The following ZMAT4 variants were observed in gnomAD, a reference collection of about 807,000 sequenced individuals.
ZMAT4 encodes zinc finger matrin-type protein 4.
A neutral mutation model predicts 28.7 loss-of-function variants in ZMAT4; 17 were observed. That is an observed-to-expected ratio of 0.59 (90% CI 0.41 to 0.89). The LOEUF (loss-of-function observed/expected upper bound fraction) is 0.89. Ranked by LOEUF, ZMAT4 falls within the 40% of genes least tolerant of loss-of-function variation. The pLI is 0.00. For missense variants in ZMAT4, 240 were observed against 283.8 expected, an observed-to-expected ratio of 0.85 and a Z score of 1.11; for synonymous variants, 117 against 109.2, an observed-to-expected ratio of 1.07 and a Z score of -0.44.
chr8:40,575,311 C>T (rs1804226338), intron 6 of ZMAT4, among the ~76,000 whole-genome samples: 1 of 152,074 alleles, frequency 6.6e-6, no homozygotes. Context: ...AATTGTGGAC[C>T]CACCCCAAGA....
At chr8:40,709,985 C>T (rs1284729906) in intron 3 of ZMAT4, among the ~76,000 whole-genome samples, 2 of 150,408 alleles carry the variant, frequency 1.3e-5, no homozygotes, top group African/African-American at 4.9e-5. Context: ...TGGCAGTGAG[C>T]CGAGATCGTG....
chr8:40,573,337 C>G (rs1330545415), intron 6 of ZMAT4, among the ~76,000 whole-genome samples: 1 of 152,228 alleles, frequency 6.6e-6, no homozygotes, highest in Non-Finnish European at 1.5e-5. Flanking sequence ...CTTCATCACT[C>G]TCTCTCCAAA....
intron 6 of ZMAT4, among the ~76,000 whole-genome samples, chr8:40,544,855 C>T (rs1367094): frequency 0.98 from 148,558 of 152,294 alleles, 72,584 homozygotes; most frequent in East Asian, 1. Context: ...CTGAAATTGC[C>T]TTCAAAGGTC....
At chr8:40,688,833 G>C (rs1175495536) in intron 4 of ZMAT4, among the ~76,000 whole-genome samples, 1 of 152,194 alleles carries the variant, frequency 6.6e-6, no homozygotes, top group Admixed American at 6.5e-5. Context: ...AAAATGAGAG[G>C]AAATTTTGCA....
chr8:40,597,060 T>A (rs1163710515), intron 5 of ZMAT4, among the ~76,000 whole-genome samples: 1 of 152,172 alleles, frequency 6.6e-6, no homozygotes, highest in Non-Finnish European at 1.5e-5. Flanking sequence ...GATTATAATC[T>A]ATGTGAGATA....
At chr8:40,575,849 A>G (rs543124415) in intron 6 of ZMAT4, among the ~76,000 whole-genome samples, 2 of 152,272 alleles carry the variant, frequency 1.3e-5, no homozygotes, top group South Asian at 2.1e-4. Flanking sequence ...AAGGAATTCA[A>G]AATAAAAATA....
intron 3 of ZMAT4, among the ~76,000 whole-genome samples, chr8:40,713,799 C>T (rs1365705029): frequency 6.6e-6 from 1 of 151,170 alleles, no homozygotes; most frequent in Non-Finnish European, 1.5e-5. Context: ...ATCCCAGCTA[C>T]TTGAGAGGCT....
chr8:40,608,725 C>T (rs917160857), intron 5 of ZMAT4, among the ~76,000 whole-genome samples: 1 of 152,218 alleles, frequency 6.6e-6, no homozygotes, highest in Non-Finnish European at 1.5e-5. Flanking sequence ...CAGAAATGGC[C>T]TCCCTGGGGA....
chr8:40,599,403 A>ATG (rs754866050), intron 5 of ZMAT4, among the ~76,000 whole-genome samples: 11 of 151,848 alleles, frequency 7.2e-5, no homozygotes, highest in Admixed American at 2.0e-4. Context: ...GTGTATATAT[A>ATG]TGTGTGTGTG....
At chr8:40,766,261 A>G (rs1813155597) in intron 3 of ZMAT4, among the ~76,000 whole-genome samples, 1 of 152,204 alleles carries the variant, frequency 6.6e-6, no homozygotes, top group South Asian at 2.1e-4. Flanking sequence ...TCTTTATACA[A>G]TGTCAATCTC....
At chr8:40,694,932 A>C (rs1563416507) in intron 4 of ZMAT4, among the ~76,000 whole-genome samples, 2 of 151,754 alleles carry the variant, frequency 1.3e-5, no homozygotes, top group African/African-American at 4.8e-5. Flanking sequence ...AGGACATGAG[A>C]CCCCCTTTCC....
At chr8:40,781,473 A>T (rs959770840) in intron 2 of ZMAT4, among the ~76,000 whole-genome samples, 1 of 152,178 alleles carries the variant, frequency 6.6e-6, no homozygotes, top group African/African-American at 2.4e-5. Context: ...TTAAGAATCC[A>T]TAAATAAGGC....
At chr8:40,814,801 A>G (rs1815465348) in intron 2 of ZMAT4, among the ~76,000 whole-genome samples, 1 of 152,100 alleles carries the variant, frequency 6.6e-6, no homozygotes, top group Admixed American at 6.6e-5. Flanking sequence ...TATACTTTTC[A>G]TAGTTTTTGA....
At chr8:40,599,028 T>G (rs1805200945) in intron 5 of ZMAT4, among the ~76,000 whole-genome samples, 1 of 152,190 alleles carries the variant, frequency 6.6e-6, no homozygotes, top group South Asian at 2.1e-4. Context: ...TCTGAACTCT[T>G]AAATGCCTGA....
At chr8:40,563,538 C>T (rs951498240) in intron 6 of ZMAT4, among the ~76,000 whole-genome samples, 1 of 152,060 alleles carries the variant, frequency 6.6e-6, no homozygotes, top group African/African-American at 2.4e-5. Flanking sequence ...CTGTCTAAAT[C>T]CAAAGGTAAC....
intron 6 of ZMAT4, among the ~76,000 whole-genome samples, chr8:40,572,481 AAAGT>A (rs1201296263): frequency 6.6e-6 from 1 of 152,190 alleles, no homozygotes; most frequent in African/African-American, 2.4e-5. Flanking sequence ...CTGAAGTATC[AAAGT>A]AAGTAATGAC....
intron 5 of ZMAT4, among the ~76,000 whole-genome samples, chr8:40,647,741 A>G (rs1486479808): frequency 6.6e-6 from 1 of 152,178 alleles, no homozygotes; most frequent in Non-Finnish European, 1.5e-5. Context: ...GAACGGACAG[A>G]CTGCCTCCTC....
intron 1 of ZMAT4, among the ~76,000 whole-genome samples, chr8:40,875,771 G>A (rs1047611043): frequency 1.3e-4 from 20 of 152,064 alleles, no homozygotes; most frequent in African/African-American, 4.3e-4. Context: ...GCAGTAAGAC[G>A]ATGGAGGAGG....
chr8:40,642,728 G>A (rs575892171), intron 5 of ZMAT4, among the ~76,000 whole-genome samples: 1 of 152,330 alleles, frequency 6.6e-6, no homozygotes, highest in South Asian at 2.1e-4. Flanking sequence ...AAGTCAAGAG[G>A]ATTGGAGGGA....
Sources: gnomAD v4.1 joint callset for allele counts (sites outside exome capture counted in the v4.1 genomes callset) on GRCh38, gnomAD v4.1.1 for gene constraint, MANE v1.5 for transcripts, NCBI Gene and HGNC (gene_info 2026-07-23, HGNC 2026-07-21) for gene names.